The following SETD2 variants were observed in gnomAD, a reference collection of about 807,000 sequenced individuals.
The protein encoded by SETD2 is SET domain containing 2, histone lysine methyltransferase, also known as histone-lysine N-methyltransferase SETD2.
A neutral mutation model predicts 242.1 loss-of-function variants in SETD2; 31 were observed. The ratio of observed to expected loss-of-function variants is 0.13; its 90% CI spans 0.10 to 0.17. The LOEUF (loss-of-function observed/expected upper bound fraction) is 0.17, where lower values mean the gene tolerates loss of function less well. Among genes scored for constraint, SETD2 ranks in the 10% least tolerant of loss-of-function variants. The pLI is 1.00. For synonymous variants in SETD2, 1,006 were observed against 1,066.5 expected (o/e 0.94, Z 1.11); for missense variants, 2,481 against 3,046.3 (o/e 0.81, Z 4.37).
intron 15 of SETD2, among the ~76,000 whole-genome samples, chr3:47,048,559 T>C (rs1419970132): frequency 2.6e-5 from 4 of 151,188 alleles, no homozygotes; most frequent in Non-Finnish European, 5.9e-5. Context: ...CTAAGTTTAT[T>C]AACATTTTTT....
chr3:47,050,806 T>C (rs1011252308), intron 15 of SETD2, among the ~76,000 whole-genome samples: 5 of 140,496 alleles, frequency 3.6e-5, no homozygotes, highest in African/African-American at 1.1e-4. Context: ...TCTCAGCTCA[T>C]TGCAACCTCT....
chr3:47,076,467 T>C (rs2041081744), intron 12 of SETD2, among the ~76,000 whole-genome samples: 1 of 152,240 alleles, frequency 6.6e-6, no homozygotes, highest in Non-Finnish European at 1.5e-5. Context: ...GCACAGATTA[T>C]AGAGGGCACA....
At chr3:47,031,453 G>A (rs2038766879) in intron 18 of SETD2, among the ~76,000 whole-genome samples, 1 of 152,204 alleles carries the variant, frequency 6.6e-6, no homozygotes. Context: ...TTTTTAAAAA[G>A]TGGTAAGATA....
At chr3:47,105,410 T>TAAAA (rs11391574) in intron 6 of SETD2, among the ~76,000 whole-genome samples, 3 of 122,624 alleles carry the variant, frequency 2.4e-5, no homozygotes, top group African/African-American at 9.3e-5. Flanking sequence ...ACACTATCTC[T>TAAAA]AAAAAAAAAA....
intron 1 of SETD2, among the ~76,000 whole-genome samples, chr3:47,155,307 T>C (rs1002772441): frequency 2.0e-5 from 3 of 152,322 alleles, no homozygotes; most frequent in Admixed American, 6.5e-5. Flanking sequence ...TAGGTAACAC[T>C]ATCAGATATT....
intron 19 of SETD2, 87 bp downstream of exon 19, chr3:47,019,673 G>C (rs896920138): frequency 8.9e-7 from 1 of 1,129,748 alleles, no homozygotes; most frequent in South Asian, 1.2e-5. Flanking sequence ...TTGGGGCAAA[G>C]GAGATATTCG....
chr3:47,131,683 G>A lies in SETD2; in HGVS notation c.72-5020C>T, dbSNP rs909795243. Among the ~76,000 whole-genome samples the A allele has an allele frequency of 6.6e-5, 10 of 151,532 alleles. No homozygotes were observed. The South Asian group carries it at 1.3e-3, about 19-fold the overall frequency. ...TTGAAAAAGTACTATATGTAGCTGC[G>A]GGAAATTTTATAATACAAAGAGATA... On this transcript the variant is annotated intron_variant, in intron 1 of 20. Transcript: ENST00000409792.
At chr3:47,141,964 A>G (rs2043739599) in intron 1 of SETD2, among the ~76,000 whole-genome samples, 1 of 152,166 alleles carries the variant, frequency 6.6e-6, no homozygotes, top group Non-Finnish European at 1.5e-5. Context: ...CCATACCTTA[A>G]AAAAAACACT....
intron 8 of SETD2, 130 bp downstream of exon 8, chr3:47,101,328 C>T (rs945064513): frequency 5.1e-6 from 3 of 586,806 alleles, no homozygotes; most frequent in Non-Finnish European, 6.0e-6. Context: ...AAAACCAAAA[C>T]AATATCTTAT....
Position 47,121,541 on chromosome 3 carries a change from G to A in SETD2, c.3095C>T (p.Ser1032Phe). 1 of 1,614,076 alleles carries A rather than the reference G, an allele frequency of 6.2e-7. No homozygotes were observed. The highest frequency in any genetic ancestry group is 8.5e-7 in the Non-Finnish European group (1 of 1,179,984). The part of the protein sequence containing the change: ...DSSGHAPEIV[S>F]TVHEDYSGSS... ...GCCAGAATAATCTTCATGAACTGTA[G>A]ACACAATTTCTGGGGCATGACCACT... Residue 1032 changes from serine to phenylalanine, a missense_variant, in exon 3 of 21, where the codon TCT (serine) becomes TTT (phenylalanine). Ser to Phe is a radical substitution (Grantham distance 155, BLOSUM62 -2). Transcript: ENST00000409792.
intron 18 of SETD2, among the ~76,000 whole-genome samples, chr3:47,022,927 A>C (rs1358287592): frequency 6.6e-6 from 1 of 152,238 alleles, no homozygotes; most frequent in Non-Finnish European, 1.5e-5. Flanking sequence ...TCTGGTAACC[A>C]TACACAGGCT....
chr3:47,046,203 G>C (rs1473920775), intron 16 of SETD2, among the ~76,000 whole-genome samples: 1 of 151,718 alleles, frequency 6.6e-6, no homozygotes, highest in African/African-American at 2.4e-5. Context: ...CAGGCGTGGT[G>C]GCACACACCT....
At chr3:47,154,917 C>A (rs2106836388) in intron 1 of SETD2, among the ~76,000 whole-genome samples, 1 of 152,108 alleles carries the variant, frequency 6.6e-6, no homozygotes, top group African/African-American at 2.4e-5. Context: ...TGGCGTGAGC[C>A]CAGGAGGCGG....
At chr3:47,145,921 C>A (rs1480426382) in intron 1 of SETD2, among the ~76,000 whole-genome samples, 2 of 141,720 alleles carry the variant, frequency 1.4e-5, no homozygotes, top group East Asian at 4.3e-4. Flanking sequence ...GAGGCTGAGG[C>A]AGGAGGATCA....
chr3:47,072,440 G>A (rs879144609), intron 12 of SETD2, among the ~76,000 whole-genome samples: 2 of 152,028 alleles, frequency 1.3e-5, no homozygotes, highest in African/African-American at 2.4e-5. Context: ...TTGTTAACAA[G>A]TACAGATCAA....
At chr3:47,161,015 C>T (rs1353438956) in intron 1 of SETD2, among the ~76,000 whole-genome samples, 1 of 152,190 alleles carries the variant, frequency 6.6e-6, no homozygotes, top group Non-Finnish European at 1.5e-5. Flanking sequence ...CTAAGTGTTA[C>T]TTCAGTCAAA....
intron 5 of SETD2, among the ~76,000 whole-genome samples, chr3:47,113,434 A>G (rs1462007273): frequency 2.6e-5 from 4 of 152,226 alleles, no homozygotes; most frequent in Non-Finnish European, 5.9e-5. Context: ...AGATTTTTTA[A>G]CAACAAACTA....
intron 12 of SETD2, among the ~76,000 whole-genome samples, chr3:47,070,237 T>C (rs1350171683): frequency 6.6e-6 from 1 of 152,186 alleles, no homozygotes; most frequent in Non-Finnish European, 1.5e-5. Flanking sequence ...AACTACTAAG[T>C]TGAAAATGTA....
intron 1 of SETD2, among the ~76,000 whole-genome samples, chr3:47,140,990 C>G (rs2043714939): frequency 6.6e-6 from 1 of 151,990 alleles, no homozygotes; most frequent in East Asian, 1.9e-4. Flanking sequence ...ACTCTAAGCT[C>G]GCTTGGTTAA....
Sources: gnomAD v4.1 joint callset for allele counts (sites outside exome capture counted in the v4.1 genomes callset) on GRCh38, gnomAD v4.1.1 for gene constraint, MANE v1.5 for transcripts, NCBI Gene and HGNC (gene_info 2026-07-23, HGNC 2026-07-21) for gene names.